FRAS1: variants seen among roughly 807,000 people sequenced by gnomAD.
FRAS1 encodes the protein extracellular matrix organizing protein FRAS1.
Under a neutral mutation model 435.2 loss-of-function variants are expected in FRAS1, and 290 were observed. That is an observed-to-expected ratio of 0.67 (90% CI 0.61 to 0.73). The LOEUF is 0.73. FRAS1 is among the 30% of genes least tolerant of loss of function. The probability of loss-of-function intolerance (pLI) is 0.00; values close to 1 mark genes in which losing one functional copy is unlikely to be tolerated. For synonymous variants in FRAS1, 1,800 were observed against 1,851.0 expected (o/e 0.97, Z 0.71); for missense variants, 4,860 against 5,001.5 (o/e 0.97, Z 0.85).
chr4:78,424,930 GAA>G (rs373930990), intron 35 of FRAS1, among the ~76,000 whole-genome samples: 2,926 of 145,912 alleles, frequency 0.02, 92 homozygotes, highest in African/African-American at 0.068. Flanking sequence ...CTTATCTCAA[GAA>G]AAAAAAAAGA....
intron 2 of FRAS1, chr4:78,181,132 C>T: frequency 6.3e-7 from 1 of 1,577,120 alleles, no homozygotes; most frequent in East Asian, 2.2e-5. Flanking sequence ...CAAATCCCTT[C>T]TTCCACTGCC....
At chr4:78,130,362 C>T (rs1719623578) in intron 2 of FRAS1, among the ~76,000 whole-genome samples, 1 of 152,150 alleles carries the variant, frequency 6.6e-6, no homozygotes, top group Non-Finnish European at 1.5e-5. Flanking sequence ...AATATAGGAA[C>T]TAACAACTGC....
intron 15 of FRAS1, among the ~76,000 whole-genome samples, chr4:78,309,201 G>A (rs902934617): frequency 7.9e-5 from 12 of 152,168 alleles, no homozygotes; most frequent in East Asian, 3.9e-4. Context: ...CCCCTGGAGC[G>A]TCCAGGCAAG....
chr4:78,128,036 G>A (rs1446534259), intron 2 of FRAS1, among the ~76,000 whole-genome samples: 1 of 151,674 alleles, frequency 6.6e-6, no homozygotes, highest in East Asian at 1.9e-4. Context: ...GTTTGCTGAG[G>A]ATGATGGTTT....
At chr4:78,355,152 C>T (rs1311963544) in intron 20 of FRAS1, among the ~76,000 whole-genome samples, 2 of 152,080 alleles carry the variant, frequency 1.3e-5, no homozygotes, top group Non-Finnish European at 2.9e-5. Flanking sequence ...TGCTTAAAAA[C>T]AATAAATGCA....
intron 69 of FRAS1, among the ~76,000 whole-genome samples, chr4:78,526,021 G>A (rs1021325244): frequency 3.3e-5 from 5 of 152,212 alleles, no homozygotes; most frequent in African/African-American, 1.2e-4. Context: ...ACTTTCTGCA[G>A]GGTGCTGCTT....
intron 2 of FRAS1, among the ~76,000 whole-genome samples, chr4:78,083,164 C>T (rs895173724): frequency 6.6e-6 from 1 of 152,196 alleles, no homozygotes; most frequent in South Asian, 2.1e-4. Flanking sequence ...CTTCATGCTG[C>T]AGGGGTATGG....
At chr4:78,179,423 C>T (rs931842273) in intron 2 of FRAS1, among the ~76,000 whole-genome samples, 1 of 152,232 alleles carries the variant, frequency 6.6e-6, no homozygotes, top group East Asian at 1.9e-4. Flanking sequence ...TCTCCTCAGG[C>T]CTTGGATGAA....
At chr4:78,374,341 A>G (rs1731671419) in intron 25 of FRAS1, 90 bp downstream of exon 25, 1 of 1,305,484 alleles carries the variant, frequency 7.7e-7, no homozygotes. Flanking sequence ...AGAATACTTA[A>G]ATTAGAAAGC....
intron 2 of FRAS1, among the ~76,000 whole-genome samples, chr4:78,152,443 A>G (rs1720705584): frequency 6.6e-6 from 1 of 152,090 alleles, no homozygotes; most frequent in Admixed American, 6.6e-5. Flanking sequence ...CAAAGAGACT[A>G]ATGTACTTGC....
chr4:78,500,528 T>C (rs1560414624), intron 61 of FRAS1, among the ~76,000 whole-genome samples: 1 of 152,188 alleles, frequency 6.6e-6, no homozygotes, highest in Non-Finnish European at 1.5e-5. Flanking sequence ...TTGAACTGTA[T>C]GCTAGGTTTC....
At chr4:78,229,089 G>T (rs936581968) in intron 2 of FRAS1, among the ~76,000 whole-genome samples, 4 of 152,096 alleles carry the variant, frequency 2.6e-5, no homozygotes, top group Admixed American at 1.3e-4. Flanking sequence ...TGGGTTTGGT[G>T]GGAAAAACAT....
At chr4:78,068,587 A>T (rs1342173581) in intron 2 of FRAS1, 1 of 456,198 alleles carries the variant, frequency 2.2e-6, no homozygotes, top group Non-Finnish European at 4.4e-6. Context: ...GCCAGAGAGG[A>T]GGAATGGCAA....
At position 78,534,620 on chromosome 4, in the gene FRAS1, G is replaced by T. The variant is rs1239425613; in HGVS notation, c.11092+5G>T. The T allele has an allele frequency of 3.7e-6, 6 of 1,611,774 alleles. No individual in the cohort carries two copies. Among genetic ancestry groups the T allele is most frequent in the Middle Eastern group, 1.7e-4 (1 of 6,044 alleles). ...ACAAAGGAGCCTTTTCAAAAGGTGA[G>T]TTGCTTCCTCCACCTGCAGAAAGAG... On this transcript the variant is annotated splice_donor_5th_base_variant and intron_variant, in intron 71 of 73. Transcript: ENST00000512123.
intron 47 of FRAS1, among the ~76,000 whole-genome samples, chr4:78,460,324 A>G (rs1719330907): frequency 6.6e-6 from 1 of 152,166 alleles, no homozygotes; most frequent in Non-Finnish European, 1.5e-5. Flanking sequence ...TCTCCATAAT[A>G]CTGCCAGATA....
chr4:78,483,961 C>T (rs1578351673), intron 58 of FRAS1, among the ~76,000 whole-genome samples: 1 of 151,716 alleles, frequency 6.6e-6, no homozygotes, highest in Middle Eastern at 3.4e-3. Flanking sequence ...TGAGTTTTGA[C>T]AAATGTATAC....
At chr4:78,358,558 T>C (rs573114970) in intron 20 of FRAS1, among the ~76,000 whole-genome samples, 1 of 151,096 alleles carries the variant, frequency 6.6e-6, no homozygotes, top group Non-Finnish European at 1.5e-5. Flanking sequence ...ATAATAACAG[T>C]GCCTACTTTT....
intron 14 of FRAS1, among the ~76,000 whole-genome samples, chr4:78,301,008 A>G (rs537514919): frequency 3.9e-5 from 6 of 152,316 alleles, no homozygotes; most frequent in Non-Finnish European, 8.8e-5. Flanking sequence ...TTTGGGGAGA[A>G]AAAGTGTCTG....
At chr4:78,274,919 A>G (rs1297295628) in intron 9 of FRAS1, among the ~76,000 whole-genome samples, 1 of 152,098 alleles carries the variant, frequency 6.6e-6, no homozygotes, top group South Asian at 2.1e-4. Context: ...TGGGGTGTTA[A>G]AGTCTCCCAT....
Sources: allele counts gnomAD v4.1 joint callset (sites outside exome capture counted in the v4.1 genomes callset), GRCh38; gene constraint gnomAD v4.1.1; transcripts MANE v1.5; gene names NCBI Gene and HGNC (gene_info 2026-07-23, HGNC 2026-07-21).